The following ITPRIPL1 variants were observed in gnomAD, a reference collection of about 807,000 sequenced individuals.
The protein encoded by ITPRIPL1 is ITPRIP like 1.
A neutral mutation model predicts 40.0 loss-of-function variants in ITPRIPL1; 28 were observed. That is an observed-to-expected ratio of 0.70 (90% CI 0.52 to 0.96). The LOEUF is 0.96. ITPRIPL1 is among the 40% of genes least tolerant of loss of function. The pLI is 0.00. For synonymous variants in ITPRIPL1, 251 were observed against 275.7 expected, an observed-to-expected ratio of 0.91 and a Z score of 0.89; for missense variants, 638 against 698.0, an observed-to-expected ratio of 0.91 and a Z score of 0.97.
At position 96,327,236 on chromosome 2, in the gene ITPRIPL1, G is replaced by C. The variant is rs145220776; in HGVS notation, c.605G>C (p.Arg202Pro). ...GTGGATGATCTCATTGAGGCCTGTC[G>C]GGTGCTCAGCCGCCAAGAGGCTCAC... ...SFVDDLIEACRVLSRQEAHPQ... is the reference protein window; with the variant it reads ...SFVDDLIEACPVLSRQEAHPQ... The change falls in exon 3 of 3, where the codon CGG becomes CCG. Residue 202 changes from arginine to proline, a missense_variant. Physicochemically the swap from Arg to Pro is moderately radical, Grantham distance 103. Transcript: ENST00000439118. The C allele has an allele frequency of 5.7e-5, 92 of 1,613,970 alleles. 2 individuals are homozygous for C. The South Asian group carries it at 8.2e-4, about 14-fold the overall frequency.
At chr2:96,326,138 T>G in intron 2 of ITPRIPL1, 1 of 1,477,676 alleles carries the variant, frequency 6.8e-7, no homozygotes. Flanking sequence ...CACTTCATAC[T>G]GGGTGAGCAG....
chr2:96,327,543 G>A lies in ITPRIPL1; in HGVS notation c.912G>A (p.Lys304=). Residue 304 remains lysine, a synonymous_variant, in exon 3 of 3, where the codon AAG becomes AAA. Transcript: ENST00000439118. ...AVLGKCSSSI[K]AALCTGFHLD... ...TGGGGAAGTGTAGTAGCTCCATCAA[G>A]GCAGCTCTCTGCACCGGCTTCCACC... is the stretch of plus-strand genomic sequence containing the variant. 6.2e-7 allele frequency: 1 copy of A among 1,613,850 alleles called. No homozygotes were observed. Among genetic ancestry groups the A allele is most frequent in the Admixed American group, 1.7e-5 (1 of 59,964 alleles).
At position 96,325,755 on chromosome 2, in the gene ITPRIPL1, G is replaced by C; in HGVS notation, c.-85G>C. The C allele has an allele frequency of 7.1e-7, 1 of 1,415,022 alleles. No homozygotes were observed. Among genetic ancestry groups the C allele is most frequent in the Non-Finnish European group, 1.0e-6 (1 of 998,534 alleles). 87.7% of individuals were successfully genotyped at this position (1,415,022 alleles called of 1,614,324 possible). A position where few individuals can be genotyped will look rare whatever the true frequency, so the allele number is the denominator to read the frequency against. On this transcript the variant is annotated 5_prime_UTR_variant, in exon 2 of 3. Coordinates refer to ENST00000439118, the MANE Select transcript of ITPRIPL1 (RefSeq NM_001008949.3). Reference sequence around the variant, plus strand: ...CTTGTACATTTTAACAGGGCTCCTAGAGAGGGCGGGGAGACGAAGCAAGGC... The same window carrying C: ...CTTGTACATTTTAACAGGGCTCCTACAGAGGGCGGGGAGACGAAGCAAGGC...
Position 96,327,469 on chromosome 2 carries a change from G to C in ITPRIPL1, c.838G>C (p.Gly280Arg). ...TGTGTGCAAGCGTGAGAAACTCCTA[G>C]GGGACGTGCTGTGCCTGGTGCACCA... Reference protein sequence around the residue: ...ECVCKREKLLGDVLCLVHHHR... With the variant: ...ECVCKREKLLRDVLCLVHHHR... Residue 280 changes from glycine (G) to arginine (R), a missense_variant, in exon 3 of 3, where the codon GGG (glycine) becomes CGG (arginine). Coordinates refer to ENST00000439118, the MANE Select transcript of ITPRIPL1 (RefSeq NM_001008949.3). The C allele has an allele frequency of 6.2e-7, 1 of 1,614,042 alleles. No homozygotes were observed. Among genetic ancestry groups the C allele is most frequent in the Non-Finnish European group, 8.5e-7 (1 of 1,179,978 alleles).
At chr2:96,325,668 T>G in intron 1 of ITPRIPL1, 79 bp from the exon 2 acceptor site, 2 of 670,282 alleles carry the variant, frequency 3.0e-6, no homozygotes, top group Non-Finnish European at 2.7e-6. Context: ...GGGCGTGGAA[T>G]TTGGGGAAGT....
chr2:96,326,886 A>T lies in ITPRIPL1; in HGVS notation c.255A>T (p.Leu85Phe). The T allele has an allele frequency of 6.2e-7, 1 of 1,614,226 alleles. No homozygotes were observed. Among genetic ancestry groups the T allele is most frequent in the Non-Finnish European group, 8.5e-7 (1 of 1,180,028 alleles). ...CAGGAGACACATCCAGTGACCAGTT[A>T]GTGCTGGGGAAGAAAGACATGGGGT... ...FWTGDTSSDQ[L>F]VLGKKDMGWP... Residue 85 changes from leucine to phenylalanine, a missense_variant, in exon 3 of 3, where the codon TTA becomes TTT. By Grantham distance (22) the Leu-to-Phe change is conservative. Coordinates refer to ENST00000439118, the MANE Select transcript of ITPRIPL1 (RefSeq NM_001008949.3).
downstream of ITPRIPL1, chr2:96,328,411 G>A: frequency 1.1e-5 from 12 of 1,113,610 alleles, no homozygotes; most frequent in Admixed American, 5.2e-5. Context: ...CCTTGCCAGT[G>A]GGGGCTATGA....
At position 96,325,858 on chromosome 2, in the gene ITPRIPL1, G is replaced by T. The variant is rs1437350681; in HGVS notation, c.10+9G>T. On this transcript the variant is annotated intron_variant, in intron 2 of 2. Transcript: ENST00000439118. Reference sequence around the variant, plus strand: ...GTCCTTCATGAATGTTGGTAAGCGCGGTAGCTTGTGAATTAGGGTGAGTGG... The same window carrying T: ...GTCCTTCATGAATGTTGGTAAGCGCTGTAGCTTGTGAATTAGGGTGAGTGG... 6.2e-6 allele frequency: 10 copies of T among 1,613,824 alleles called. No individual in the cohort carries two copies. The highest frequency in any genetic ancestry group is 1.6e-4 in the Middle Eastern group (1 of 6,084).
In ITPRIPL1 at chr2:96,327,560, G is replaced by A. The variant is rs200991345; in HGVS notation, c.929G>A (p.Gly310Asp). The A allele has an allele frequency of 3.1e-6, 5 of 1,612,886 alleles. No homozygotes were observed. In the East Asian group the frequency reaches 1.1e-4, roughly 36 times the overall value. The change falls in exon 3 of 3, where the codon GGC becomes GAC. Residue 310 changes from glycine to aspartate, a missense_variant. Physicochemically the swap from Gly to Asp is moderately conservative, Grantham distance 94 (BLOSUM62 -1). Coordinates refer to ENST00000439118, the MANE Select transcript of ITPRIPL1 (RefSeq NM_001008949.3). ...SSSIKAALCT[G>D]FHLDVCKTVQ... ...TCCATCAAGGCAGCTCTCTGCACCG[G>A]CTTCCACCTAGACGTGTGCAAGACT...
downstream of ITPRIPL1, chr2:96,329,193 ATC>A (rs1254482927): frequency 1.7e-3 from 186 of 112,350 alleles, no homozygotes; most frequent in African/African-American, 6.1e-3. Flanking sequence ...ATATATATAT[ATC>A]TCCAAGATGT....
At chr2:96,330,404 G>C (rs997522015), downstream of ITPRIPL1, 7 of 152,026 alleles carry the variant, frequency 4.6e-5, no homozygotes, top group African/African-American at 1.5e-4. Flanking sequence ...TTGCTTCCCT[G>C]CTGATGGGAT....
chr2:96,329,822 T>C (rs945518727), downstream of ITPRIPL1: 1 of 152,198 alleles, frequency 6.6e-6, no homozygotes, highest in African/African-American at 2.4e-5. Flanking sequence ...AATGCTGTTC[T>C]ATCTGCACTG....
downstream of ITPRIPL1, chr2:96,329,753 TGAG>T (rs1474031820): frequency 1.3e-5 from 2 of 152,078 alleles, no homozygotes; most frequent in Non-Finnish European, 2.9e-5. Context: ...CATGGGATGC[TGAG>T]GAGGAGTGTT....
Position 96,327,085 on chromosome 2 carries a change from C to G in ITPRIPL1, c.454C>G (p.Pro152Ala). The G allele has an allele frequency of 6.2e-7, 1 of 1,614,170 alleles. No individual in the cohort carries two copies. The highest frequency in any genetic ancestry group is 8.5e-7 in the Non-Finnish European group (1 of 1,180,026). Residue 152 changes from proline (P) to alanine (A), a missense_variant, in exon 3 of 3, where the codon CCT (proline) becomes GCT (alanine). By Grantham distance (27) the Pro-to-Ala change is conservative (BLOSUM62 -1). Transcript: ENST00000439118. ...GGAGGAGGAGGAAGTCCGTGTTGTCCCTGTCACCTCTTACAACTGGCTTAC... is the reference window on the plus strand; with the variant it reads ...GGAGGAGGAGGAAGTCCGTGTTGTCGCTGTCACCTCTTACAACTGGCTTAC... ...EEEEEEVRVV[P>A]VTSYNWLTDF...
At chr2:96,328,574 T>C (rs905308365), downstream of ITPRIPL1, 3 of 350,728 alleles carry the variant, frequency 8.6e-6, no homozygotes, top group African/African-American at 6.3e-5. Flanking sequence ...TGGGAGGATC[T>C]TGCTGCTAAG....
At chr2:96,328,628 C>A, downstream of ITPRIPL1, 2 of 232,032 alleles carry the variant, frequency 8.6e-6, no homozygotes, top group East Asian at 1.9e-4. Context: ...GTTTTTGTAT[C>A]AACACTCGAA....
chr2:96,326,122 G>A lies in ITPRIPL1; in HGVS notation c.10+273G>A, dbSNP rs2064104248. 23 of 1,448,132 alleles carry A rather than the reference G, an allele frequency of 1.6e-5. No homozygotes were observed. The South Asian group carries it at 2.0e-4, about 12-fold the overall frequency. 89.7% of individuals were successfully genotyped at this position (1,448,132 alleles called of 1,614,324 possible). On this transcript the variant is annotated intron_variant, in intron 2 of 2. Coordinates refer to ENST00000439118, the MANE Select transcript of ITPRIPL1 (RefSeq NM_001008949.3). ...GGCAGAGAGGGAGAGGCTGAGTGAT[G>A]AGGCTCACTTCATACTGGGTGAGCA...
Position 96,327,922 on chromosome 2 carries a change from C to A in ITPRIPL1, c.1291C>A (p.Gln431Lys), listed in dbSNP as rs769360860. Residue 431 changes from glutamine (Q) to lysine (K), a missense_variant, in exon 3 of 3, where the codon CAG (glutamine) becomes AAG (lysine). Coordinates refer to ENST00000439118, the MANE Select transcript of ITPRIPL1 (RefSeq NM_001008949.3). ...CCTCCAGATCATTTTAAGTCTCCGG[C>A]AGCATCAGAGCTTACCCCATGGAGC... ...KCLQIILSLRQHQSLPHGASR... is the reference protein window; with the variant it reads ...KCLQIILSLRKHQSLPHGASR... 1.9e-6 allele frequency: 3 copies of A among 1,613,936 alleles called. No individual in the cohort carries two copies.
In ITPRIPL1 at chr2:96,325,731, T is replaced by A. The variant is rs762508941; in HGVS notation, c.-93-16T>A. The A allele has an allele frequency of 1.0e-5, 12 of 1,146,314 alleles. No homozygotes were observed. The highest frequency in any genetic ancestry group is 1.8e-5 in the Admixed American group (1 of 56,914). 71.0% of individuals were successfully genotyped at this position (1,146,314 alleles called of 1,614,324 possible). On this transcript the variant is annotated splice_polypyrimidine_tract_variant and intron_variant, in intron 1 of 2. Transcript: ENST00000439118. The stretch of plus-strand genomic sequence containing the variant: ...ATTTGAGCCAAAGCCCCCAGGTACC[T>A]TGTACATTTTAACAGGGCTCCTAGA...
Sources: gnomAD v4.1 joint callset for allele counts on GRCh38, gnomAD v4.1.1 for gene constraint, MANE v1.5 for transcripts, NCBI Gene and HGNC (gene_info 2026-07-23, HGNC 2026-07-21) for gene names.